The following CNOT8 variants were observed in gnomAD, a reference collection of about 807,000 sequenced individuals.
CNOT8 encodes the protein CAF1-like protein.
CNOT8 carries 18 observed loss-of-function variants against 34.6 expected under a neutral mutation model. The ratio of observed to expected loss-of-function variants is 0.52; its 90% confidence interval spans 0.36 to 0.77. CNOT8 has a LOEUF of 0.77. Ranked by LOEUF, CNOT8 falls within the 30% of genes least tolerant of loss-of-function variation. CNOT8 has a pLI of 0.00. For synonymous variants in CNOT8, 101 were observed against 118.8 expected, an observed-to-expected ratio of 0.85 and a Z score of 0.98; for missense variants, 189 against 347.9, an observed-to-expected ratio of 0.54 and a Z score of 3.63.
intron 1 of CNOT8, among the ~76,000 whole-genome samples, chr5:154,861,350 T>C (rs1334803872): frequency 6.6e-6 from 1 of 152,222 alleles, no homozygotes; most frequent in East Asian, 1.9e-4. Context: ...CATAGTCTAC[T>C]TAAGTTTAAT....
intron 3 of CNOT8, among the ~76,000 whole-genome samples, chr5:154,868,183 C>T (rs1436592359): frequency 6.6e-6 from 1 of 151,922 alleles, no homozygotes; most frequent in African/African-American, 2.4e-5. Context: ...GTGATCCGCC[C>T]GCCTTGGCCT....
chr5:154,870,625 A>G (rs755096997), intron 3 of CNOT8, 36 bp from the exon 4 acceptor site: 1 of 1,565,718 alleles, frequency 6.4e-7, no homozygotes, highest in Non-Finnish European at 8.7e-7. Flanking sequence ...CTGTTTCATT[A>G]TTCACCAGTT....
At chr5:154,864,126 C>G (rs1037373708) in intron 2 of CNOT8, among the ~76,000 whole-genome samples, 2 of 152,152 alleles carry the variant, frequency 1.3e-5, no homozygotes, top group African/African-American at 4.8e-5. Context: ...GACTTTACTC[C>G]TTTACATTAG....
rs1762871353 is a variant in CNOT8, at chr5:154,875,617, A to G, written c.*178A>G. On this transcript the variant is annotated 3_prime_UTR_variant, in exon 7 of 7. Coordinates refer to ENST00000285896, the MANE Select transcript of CNOT8 (RefSeq NM_001301073.2). ...AAGATGTTTTTATTTTAGACCCAGA[A>G]GAGAGGAGTTTGCTCTGAATTTGTA... The G allele has an allele frequency of 1.5e-6, 1 of 650,820 alleles. No individual in the cohort carries two copies. The highest frequency in any genetic ancestry group is 2.5e-6 in the Non-Finnish European group (1 of 405,304). 40.3% of individuals were successfully genotyped at this position (650,820 alleles called of 1,614,324 possible).
At chr5:154,863,598 C>CT (rs1761567080) in intron 2 of CNOT8, among the ~76,000 whole-genome samples, 1 of 152,168 alleles carries the variant, frequency 6.6e-6, no homozygotes, top group South Asian at 2.1e-4. Context: ...CCCAGCTTGA[C>CT]TCACCTTCTT....
intron 3 of CNOT8, chr5:154,867,819 C>A: frequency 5.8e-6 from 1 of 172,108 alleles, no homozygotes; most frequent in Non-Finnish European, 1.3e-5. Flanking sequence ...TTTTTAATGT[C>A]TTTTTTAAAA....
chr5:154,865,259 A>G lies in CNOT8; in HGVS notation c.185A>G (p.Tyr62Cys), dbSNP rs1226500708. ...GEFRSSIDYQ[Y>C]QLLRCNVDLL... ...TTTCGTAGTTCCATAGATTACCAAT[A>G]TCAGCTTCTGCGGTGCAATGTTGAC... is the stretch of plus-strand genomic sequence containing the variant. Residue 62 changes from tyrosine to cysteine, a missense_variant, in exon 3 of 7, where the codon TAT becomes TGT. Physicochemically the swap from Tyr to Cys is radical, Grantham distance 194. Transcript: ENST00000285896. 6.2e-7 allele frequency: 1 copy of G among 1,612,410 alleles called. No individual in the cohort carries two copies. The highest frequency in any genetic ancestry group is 2.2e-5 in the East Asian group (1 of 44,846).
intron 5 of CNOT8, 133 bp downstream of exon 5, chr5:154,872,007 T>C (rs1228773511): frequency 2.6e-5 from 19 of 723,146 alleles, no homozygotes; most frequent in Non-Finnish European, 3.5e-5. Flanking sequence ...GGGTATAATA[T>C]AAAGCTGATT....
Position 154,865,183 on chromosome 5 carries a change from C to G in CNOT8, c.118-9C>G. 1 of 1,539,088 alleles carries G rather than the reference C, an allele frequency of 6.5e-7. No individual in the cohort carries two copies. The highest frequency in any genetic ancestry group is 2.3e-5 in the East Asian group (1 of 42,706). ...AAACCTTGTGATGAGAGACTTTTTC[C>G]TTTTCCAGGACACAGAATTTCCAGG... is the stretch of plus-strand genomic sequence containing the variant. On this transcript the variant is annotated splice_polypyrimidine_tract_variant and intron_variant, in intron 2 of 6. Transcript: ENST00000285896.
At chr5:154,873,636 A>G (rs2113398990) in intron 6 of CNOT8, among the ~76,000 whole-genome samples, 1 of 152,276 alleles carries the variant, frequency 6.6e-6, no homozygotes, top group South Asian at 2.1e-4. Context: ...TGAAATATTG[A>G]TTTTGTTGAC....
rs1260000480 is a variant in CNOT8, at chr5:154,875,361, C to G, written c.801C>G (p.Ala267=). ...TCTATGGCTTAGGCACAGGAGTGGC[C>G]CAGAAGCAGAATGAGGATGTGGACT... The part of the protein sequence containing the change: ...GRLYGLGTGV[A]QKQNEDVDSA... Residue 267 remains alanine, a synonymous_variant, in exon 7 of 7, where the codon GCC becomes GCG. Coordinates refer to ENST00000285896, the MANE Select transcript of CNOT8 (RefSeq NM_001301073.2). The G allele has an allele frequency of 6.2e-7, 1 of 1,614,026 alleles. No individual in the cohort carries two copies. Among genetic ancestry groups the G allele is most frequent in the Non-Finnish European group, 8.5e-7 (1 of 1,180,020 alleles).
chr5:154,875,563 C>G lies in CNOT8; in HGVS notation c.*124C>G, dbSNP rs959231367. On this transcript the variant is annotated 3_prime_UTR_variant, in exon 7 of 7. Coordinates refer to ENST00000285896, the MANE Select transcript of CNOT8 (RefSeq NM_001301073.2). The stretch of plus-strand genomic sequence containing the variant: ...CACTGTACCTACCATCTGCATTGAG[C>G]AGAAAGACTTTTGTTTTACTGAAGA... The G allele has an allele frequency of 1.1e-5, 11 of 1,036,654 alleles. No homozygotes were observed. The highest frequency in any genetic ancestry group is 1.5e-5 in the Non-Finnish European group (11 of 740,298). 64.2% of individuals were successfully genotyped at this position (1,036,654 alleles called of 1,614,324 possible). A position where few individuals can be genotyped will look rare whatever the true frequency, so the allele number is the denominator to read the frequency against.
At position 154,858,659 on chromosome 5, in the gene CNOT8, G is replaced by A. The variant is rs1289199476; in HGVS notation, c.-182G>A. 2 of 152,188 alleles carry A rather than the reference G, an allele frequency of 1.3e-5. No homozygotes were observed. Among genetic ancestry groups the A allele is most frequent in the African/African-American group, 4.8e-5 (2 of 41,426 alleles). 9.4% of individuals were successfully genotyped at this position (152,188 alleles called of 1,614,324 possible). On this transcript the variant is annotated 5_prime_UTR_variant, in exon 1 of 7. Transcript: ENST00000285896. Reference sequence around the variant, plus strand: ...TCTAGGAGCAGATCCGGGGTAGAGGGAAAAGAGCTCCGGGCCAGGGGCTGC... The same window carrying A: ...TCTAGGAGCAGATCCGGGGTAGAGGAAAAAGAGCTCCGGGCCAGGGGCTGC...
At chr5:154,862,375 C>T (rs895350145) in intron 1 of CNOT8, among the ~76,000 whole-genome samples, 4 of 151,904 alleles carry the variant, frequency 2.6e-5, no homozygotes, top group Admixed American at 2.6e-4. Flanking sequence ...GTGGCTGAGG[C>T]AGGAGAATTG....
chr5:154,869,888 T>G (rs1477162036), intron 3 of CNOT8, among the ~76,000 whole-genome samples: 2 of 151,870 alleles, frequency 1.3e-5, no homozygotes, highest in Non-Finnish European at 2.9e-5. Flanking sequence ...CTCCCAAATT[T>G]CTGGGATTAC....
chr5:154,861,695 T>TTTTGTTTG (rs746842135), intron 1 of CNOT8, among the ~76,000 whole-genome samples: 1 of 152,186 alleles, frequency 6.6e-6, no homozygotes, highest in Admixed American at 6.5e-5. Context: ...ATAAGCTCTT[T>TTTTGTTTG]TTTGTTTGTT....
At chr5:154,867,542 C>A in intron 3 of CNOT8, 1 of 163,012 alleles carries the variant, frequency 6.1e-6, no homozygotes, top group Non-Finnish European at 1.4e-5. Context: ...CAGGAATAGA[C>A]TACTTTAAGG....
At chr5:154,868,663 T>A (rs772272759) in intron 3 of CNOT8, among the ~76,000 whole-genome samples, 1 of 152,234 alleles carries the variant, frequency 6.6e-6, no homozygotes, top group Non-Finnish European at 1.5e-5. Flanking sequence ...CACTTCTTTC[T>A]CCCACTCCTT....
chr5:154,873,274 C>T (rs1395612377), intron 6 of CNOT8, among the ~76,000 whole-genome samples: 1 of 152,182 alleles, frequency 6.6e-6, no homozygotes, highest in Non-Finnish European at 1.5e-5. Context: ...TGGTATTCTG[C>T]ATGTCACATG....
Sources: allele counts gnomAD v4.1 joint callset (sites outside exome capture counted in the v4.1 genomes callset), GRCh38; gene constraint gnomAD v4.1.1; transcripts MANE v1.5; gene names NCBI Gene and HGNC (gene_info 2026-07-23, HGNC 2026-07-21).